MAP4K2: variants seen among roughly 807,000 people sequenced by gnomAD.
The protein encoded by MAP4K2 is B lymphocyte serine/threonine protein kinase.
MAP4K2 carries 85 observed loss-of-function variants against 125.3 expected under a neutral mutation model. That is an observed-to-expected ratio of 0.68 (90% CI 0.57 to 0.81). MAP4K2 has a LOEUF of 0.81. MAP4K2 is among the 40% of genes least tolerant of loss of function. The probability of loss-of-function intolerance (pLI) is 0.00; values close to 1 mark genes in which losing one functional copy is unlikely to be tolerated. For synonymous variants in MAP4K2, 479 were observed against 445.1 expected (o/e 1.08, Z -0.96); for missense variants, 923 against 1,056.4 (o/e 0.87, Z 1.75).
intron 11 of MAP4K2, 28 bp downstream of exon 11, chr11:64,800,283 G>A: frequency 6.2e-7 from 1 of 1,613,258 alleles, no homozygotes; most frequent in East Asian, 2.2e-5. Flanking sequence ...TGAGTACTGG[G>A]CCTCTCTCCC....
chr11:64,800,214 G>T lies in MAP4K2; in HGVS notation c.810C>A (p.His270Gln). The change falls in exon 12 of 32, where the codon CAC becomes CAA. Residue 270 changes from histidine (H) to glutamine (Q), a missense_variant and splice_region_variant. Transcript: ENST00000294066. ...KRPTAEKLLQ[H>Q]PFTTQQLPRA... The stretch of plus-strand genomic sequence containing the variant: ...GAGGGAGCTGCTGAGTCGTGAACGG[G>T]TGCTGGAAAGTGGGGGAGGGGGGTG... 1.2e-6 allele frequency: 2 copies of T among 1,612,978 alleles called. No homozygotes were observed. The highest frequency in any genetic ancestry group is 1.7e-6 in the Non-Finnish European group (2 of 1,179,872).
In MAP4K2 at chr11:64,789,887, A is replaced by G. The variant is rs760539615; in HGVS notation, c.2319+2T>C. 99 of 1,613,744 alleles carry G rather than the reference A, an allele frequency of 6.1e-5. No individual in the cohort carries two copies. The highest frequency in any genetic ancestry group is 5.8e-5 in the Non-Finnish European group (68 of 1,179,970). On this transcript the variant is annotated splice_donor_variant, in intron 30 of 31. Transcript: ENST00000294066. LOFTEE classifies it high-confidence loss of function. ...ACAGCAAGGTCCCTGGGCCCCACTCACCTCATTGGTATCCAGGCTTCGGCC... is the reference window on the plus strand; with the variant it reads ...ACAGCAAGGTCCCTGGGCCCCACTCGCCTCATTGGTATCCAGGCTTCGGCC...
rs1467531237 is a variant in MAP4K2, at chr11:64,797,366, T to G, written c.1185A>C (p.Pro395=). The G allele has an allele frequency of 3.1e-6, 5 of 1,589,472 alleles. No individual in the cohort carries two copies. Among genetic ancestry groups the G allele is most frequent in the Non-Finnish European group, 4.3e-6 (5 of 1,167,728 alleles). ...GCTTGATGGTTCCCATGGTATCGTC[T>G]GGGGAGTCCAGCTCCTGGTAGGAGG... is the stretch of plus-strand genomic sequence containing the variant. ...SASEFQELDS[P]DDTMGTIKRA... is the part of the protein sequence containing the mutation. The change falls in exon 18 of 32, where the codon CCA becomes CCC. Residue 395 remains proline, a synonymous_variant. Coordinates refer to ENST00000294066, the MANE Select transcript of MAP4K2 (RefSeq NM_004579.5).
rs1269035514 is a variant in MAP4K2 at position 64,798,906 on chromosome 11, G to C, written c.1054-69C>G. 18 of 1,342,158 alleles carry C rather than the reference G, an allele frequency of 1.3e-5. No homozygotes were observed. In the East Asian group the frequency reaches 4.2e-4, roughly 32 times the overall value. The allele number at this position is 1,342,158 out of a possible 1,614,324, so 83.1% of individuals were successfully genotyped here. On this transcript the variant is annotated intron_variant, in intron 14 of 31. Coordinates refer to ENST00000294066, the MANE Select transcript of MAP4K2 (RefSeq NM_004579.5). The stretch of plus-strand genomic sequence containing the variant: ...ATGCAACGTGAGAGGGCGCTCAAGA[G>C]ATTCAGGAAAGGAAAGACAGACAGA...
intron 10 of MAP4K2, 135 bp downstream of exon 10, chr11:64,800,629 C>G: frequency 1.6e-6 from 2 of 1,278,414 alleles, no homozygotes; most frequent in Non-Finnish European, 2.1e-6. Context: ...AGGACCAGGC[C>G]CCTGACTCAG....
Position 64,801,769 on chromosome 11 carries a change from G to C in MAP4K2, c.367-12C>G. 3 of 1,612,576 alleles carry C rather than the reference G, an allele frequency of 1.9e-6. No homozygotes were observed. The highest frequency in any genetic ancestry group is 2.5e-6 in the Non-Finnish European group (3 of 1,179,808). The stretch of plus-strand genomic sequence containing the variant: ...AGGTGGTGGAGCCCCTGGCGACAAA[G>C]AGGAGTCCCTGAGAGCAGCCACCCA... On this transcript the variant is annotated splice_polypyrimidine_tract_variant and intron_variant, in intron 5 of 31. Transcript: ENST00000294066.
chr11:64,797,053 T>C, intron 19 of MAP4K2, 30 bp from the exon 20 acceptor site: 2 of 1,614,034 alleles, frequency 1.2e-6, no homozygotes, highest in Non-Finnish European at 1.7e-6. Flanking sequence ...TCAGGGCTGA[T>C]ATGACAGCTG....
chr11:64,789,662 C>T (rs767225981), intron 31 of MAP4K2, 38 bp from the exon 32 acceptor site: 1 of 1,612,800 alleles, frequency 6.2e-7, no homozygotes, highest in African/African-American at 1.3e-5. Context: ...GCGGGAGACA[C>T]TTGGTACATC....
rs1444863863 is a variant in MAP4K2 at position 64,799,488 on chromosome 11, C to T, written c.995-9G>A. The T allele has an allele frequency of 2.5e-6, 4 of 1,611,236 alleles. No individual in the cohort carries two copies. Among genetic ancestry groups the T allele is most frequent in the Admixed American group, 3.4e-5 (2 of 58,906 alleles). On this transcript the variant is annotated splice_polypyrimidine_tract_variant and intron_variant, in intron 13 of 31. Coordinates refer to ENST00000294066, the MANE Select transcript of MAP4K2 (RefSeq NM_004579.5). ...AAATTTCACCTGGTGAACTGGGGGGCCCAGAGTACAAGAGTGAAGGAGCTG... is the reference window on the plus strand; with the variant it reads ...AAATTTCACCTGGTGAACTGGGGGGTCCAGAGTACAAGAGTGAAGGAGCTG...
In MAP4K2 at chr11:64,787,902, GA is replaced by G. The variant is rs1427455036; in HGVS notation, c.*1634del. The G allele has an allele frequency of 6.6e-6, 1 of 152,190 alleles. No individual in the cohort carries two copies. The highest frequency in any genetic ancestry group is 1.5e-5 in the Non-Finnish European group (1 of 68,042). 9.4% of individuals were successfully genotyped at this position (152,190 alleles called of 1,614,324 possible). A position where few individuals can be genotyped will look rare whatever the true frequency, so the allele number is the denominator to read the frequency against. On this transcript the variant is annotated 3_prime_UTR_variant, in exon 32 of 32. Transcript: ENST00000294066. ...TCCCAACATTCCTCCGAGAAATCTG[GA>G]AAATTGGAAGTTAGGAATTCACTTT...
chr11:64,798,002 T>C (rs1434756121), intron 15 of MAP4K2, among the ~76,000 whole-genome samples: 3 of 125,346 alleles, frequency 2.4e-5, no homozygotes, highest in African/African-American at 9.4e-5. Context: ...ACACCCGGGC[T>C]TTTTTTTTTT....
intron 27 of MAP4K2, 100 bp from the exon 28 acceptor site, chr11:64,790,562 G>T: frequency 9.0e-7 from 1 of 1,116,656 alleles, no homozygotes; most frequent in South Asian, 1.3e-5. Flanking sequence ...GGCCATGAGG[G>T]CACGTCAGCC....
In MAP4K2 at chr11:64,797,676, G is replaced by A. The variant is rs768626748; in HGVS notation, c.1098-12C>T. Reference sequence around the variant, plus strand: ...ACTGCAGCAGGCTCCTGGGCAGTGGGGAAAAGGGGTCAGAGGTCAACCTTT... The same window carrying A: ...ACTGCAGCAGGCTCCTGGGCAGTGGAGAAAAGGGGTCAGAGGTCAACCTTT... On this transcript the variant is annotated splice_polypyrimidine_tract_variant and intron_variant, in intron 15 of 31. Coordinates refer to ENST00000294066, the MANE Select transcript of MAP4K2 (RefSeq NM_004579.5). The A allele has an allele frequency of 2.9e-5, 44 of 1,527,054 alleles. No individual in the cohort carries two copies. The highest frequency in any genetic ancestry group is 3.5e-5 in the Non-Finnish European group (40 of 1,137,886). 94.6% of individuals were successfully genotyped at this position (1,527,054 alleles called of 1,614,324 possible). A position where few individuals can be genotyped will look rare whatever the true frequency, so the allele number is the denominator to read the frequency against.
intron 19 of MAP4K2, 32 bp downstream of exon 19, chr11:64,797,072 C>T (rs759014266): frequency 1.8e-5 from 29 of 1,614,060 alleles, no homozygotes; most frequent in Non-Finnish European, 2.2e-5. Flanking sequence ...TGTAGCCGCC[C>T]GTCTCCCCAC....
Position 64,786,033 on chromosome 11 carries a change from C to T in MAP4K2, c.*3504G>A, listed in dbSNP as rs2136029623. ...ATATTACCAATACCTTTAAAAATTCCTGGGCTCCTTCCTTATCCCATCCCA... is the reference window on the plus strand; with the variant it reads ...ATATTACCAATACCTTTAAAAATTCTTGGGCTCCTTCCTTATCCCATCCCA... On this transcript the variant is annotated 3_prime_UTR_variant, in exon 32 of 32. Transcript: ENST00000294066. The T allele has an allele frequency of 6.6e-6, 1 of 152,304 alleles. No individual in the cohort carries two copies. Among genetic ancestry groups the T allele is most frequent in the South Asian group, 2.1e-4 (1 of 4,826 alleles). 9.4% of individuals were successfully genotyped at this position (152,304 alleles called of 1,614,324 possible). A position where few individuals can be genotyped will look rare whatever the true frequency, so the allele number is the denominator to read the frequency against.
chr11:64,797,092 G>T lies in MAP4K2; in HGVS notation c.1365+12C>A, dbSNP rs368719876. 2.0e-4 allele frequency: 318 copies of T among 1,614,026 alleles called. No homozygotes were observed. The highest frequency in any genetic ancestry group is 2.4e-4 in the Non-Finnish European group (286 of 1,180,022). The stretch of plus-strand genomic sequence containing the variant: ...CCGCCCGTCTCCCCACCCCACTGTA[G>T]CACCCTCTTACCTCAGGATCCTCCC... On this transcript the variant is annotated intron_variant, in intron 19 of 31. Coordinates refer to ENST00000294066, the MANE Select transcript of MAP4K2 (RefSeq NM_004579.5).
At chr11:64,802,241 C>T in intron 4 of MAP4K2, 120 bp from the exon 5 acceptor site, 1 of 1,095,586 alleles carries the variant, frequency 9.1e-7, no homozygotes, top group Non-Finnish European at 1.4e-6. Flanking sequence ...GCCACGTCCC[C>T]TCCCAGTTTA....
chr11:64,799,678 A>AT lies in MAP4K2; in HGVS notation c.920dup (p.Tyr307Ter). ...PSPEDCELET[Y>*]DMFPDTIHSR... ...AGTGAATGGTGTCTGGAAACATGTC[A>AT]TAGGTCTAAGGAAAAACAGAAACAG... is the stretch of plus-strand genomic sequence containing the variant. Residue 307 changes from tyrosine to a stop codon, truncating the protein, a stop_gained and frameshift_variant, in exon 13 of 32, where the codon TAT becomes TAAT. Coordinates refer to ENST00000294066, the MANE Select transcript of MAP4K2 (RefSeq NM_004579.5). LOFTEE classifies it high-confidence loss of function. 1 of 1,613,592 alleles carries AT rather than the reference A, an allele frequency of 6.2e-7. No homozygotes were observed. The highest frequency in any genetic ancestry group is 8.5e-7 in the Non-Finnish European group (1 of 1,179,880).
Position 64,800,835 on chromosome 11 carries a change from G to C in MAP4K2, c.663-9C>G. The C allele has an allele frequency of 3.1e-6, 5 of 1,613,158 alleles. No homozygotes were observed. Among genetic ancestry groups the C allele is most frequent in the Non-Finnish European group, 3.4e-6 (4 of 1,179,704 alleles). On this transcript the variant is annotated splice_polypyrimidine_tract_variant and intron_variant, in intron 9 of 31. Coordinates refer to ENST00000294066, the MANE Select transcript of MAP4K2 (RefSeq NM_004579.5). ...ACATGAGCATCAGGGCCCTGTGGAG[G>C]GCGCGAGGTCAGGGGCCACAGGCCG... is the stretch of plus-strand genomic sequence containing the variant.
Sources: gnomAD v4.1 joint callset for allele counts (sites outside exome capture counted in the v4.1 genomes callset) on GRCh38, gnomAD v4.1.1 for gene constraint, MANE v1.5 for transcripts, NCBI Gene and HGNC (gene_info 2026-07-23, HGNC 2026-07-21) for gene names.